Variants in MAJIN observed in about 807,000 individuals in gnomAD.
MAJIN encodes the protein membrane anchored junction protein, also known as membrane-anchored junction protein.
Under a neutral mutation model 30.2 loss-of-function variants are expected in MAJIN, and 27 were observed. The ratio of observed to expected loss-of-function variants is 0.89; its 90% CI spans 0.66 to 1.23. The LOEUF is 1.23. Among genes scored for constraint, MAJIN ranks in the 50% most tolerant of loss-of-function variants. MAJIN has a pLI of 0.00. For synonymous variants in MAJIN, 78 were observed against 91.6 expected, an observed-to-expected ratio of 0.85 and a Z score of 0.85; for missense variants, 253 against 260.3, an observed-to-expected ratio of 0.97 and a Z score of 0.19.
chr11:64,957,356 A>G (rs914159965), intron 3 of MAJIN, among the ~76,000 whole-genome samples: 4 of 152,150 alleles, frequency 2.6e-5, no homozygotes, highest in Non-Finnish European at 5.9e-5. Flanking sequence ...CTGGGATTAC[A>G]AGAGTGAGCC....
At chr11:64,969,679 G>A (rs1024379216) in intron 1 of MAJIN, among the ~76,000 whole-genome samples, 2 of 151,838 alleles carry the variant, frequency 1.3e-5, no homozygotes, top group African/African-American at 4.8e-5. Context: ...AGGAAGCTGA[G>A]GCAGGCAAGA....
intron 1 of MAJIN, among the ~76,000 whole-genome samples, chr11:64,969,468 C>T (rs138188352): frequency 1.4e-5 from 2 of 147,900 alleles, no homozygotes; most frequent in East Asian, 2.0e-4. Context: ...AAAAAAAAAA[C>T]GACATGACCA....
intron 1 of MAJIN, among the ~76,000 whole-genome samples, chr11:64,962,237 A>G (rs1945739280): frequency 6.6e-6 from 1 of 152,258 alleles, no homozygotes; most frequent in South Asian, 2.1e-4. Flanking sequence ...GCTGTCTGAA[A>G]GAAGAAAAAA....
At chr11:64,968,327 G>A (rs1001957509) in intron 1 of MAJIN, among the ~76,000 whole-genome samples, 3 of 152,028 alleles carry the variant, frequency 2.0e-5, no homozygotes, top group African/African-American at 7.2e-5. Context: ...CTGGAGTATA[G>A]CGACACAATC....
intron 1 of MAJIN, among the ~76,000 whole-genome samples, chr11:64,971,450 A>C (rs1945903121): frequency 6.7e-5 from 9 of 133,870 alleles, no homozygotes; most frequent in East Asian, 4.8e-4. Flanking sequence ...AAAAAAAAGG[A>C]CGGAGGAAGT....
chr11:64,946,012 C>T (rs1011724647), intron 8 of MAJIN: 1 of 1,366,460 alleles, frequency 7.3e-7, no homozygotes, highest in East Asian at 2.7e-5. Context: ...AACCGGAATC[C>T]TGACTTGTAA....
chr11:64,963,694 T>G (rs1475819647), intron 1 of MAJIN, among the ~76,000 whole-genome samples: 1 of 151,956 alleles, frequency 6.6e-6, no homozygotes, highest in African/African-American at 2.4e-5. Context: ...AAAAATTAGC[T>G]GGACATGGTG....
In MAJIN at chr11:64,954,767, T is replaced by C; in HGVS notation, c.137A>G (p.Gln46Arg). 6.2e-7 allele frequency: 1 copy of C among 1,613,752 alleles called. No individual in the cohort carries two copies. The highest frequency in any genetic ancestry group is 8.5e-7 in the Non-Finnish European group (1 of 1,179,786). The change falls in exon 4 of 11, where the codon CAG (glutamine) becomes CGG (arginine). Residue 46 changes from glutamine (Q) to arginine (R), a missense_variant. Transcript: ENST00000301896. Reference sequence around the variant, plus strand: ...TGCTTCTTTCCCTACCTCCAGCTCCTGGGTGATGACTTCCTTATTTTCTAT... The same window carrying C: ...TGCTTCTTTCCCTACCTCCAGCTCCCGGGTGATGACTTCCTTATTTTCTAT... ...EEIENKEVIT[Q>R]ELEDSVRVVL...
At chr11:64,962,940 A>C (rs1015295251) in intron 1 of MAJIN, among the ~76,000 whole-genome samples, 1 of 152,112 alleles carries the variant, frequency 6.6e-6, no homozygotes, top group Non-Finnish European at 1.5e-5. Context: ...CAGTCTGGCC[A>C]ATGTGGCGAA....
intron 1 of MAJIN, among the ~76,000 whole-genome samples, chr11:64,966,371 C>T (rs562099570): frequency 4.6e-5 from 7 of 151,304 alleles, no homozygotes; most frequent in African/African-American, 1.5e-4. Flanking sequence ...TCTGTCTCTA[C>T]TAAAAATACA....
chr11:64,968,503 CT>C (rs1328453984), intron 1 of MAJIN, among the ~76,000 whole-genome samples: 1 of 151,656 alleles, frequency 6.6e-6, no homozygotes. Flanking sequence ...CTCAAGTGAT[CT>C]GCCCACCTCG....
At chr11:64,962,364 A>C (rs969435234) in intron 1 of MAJIN, among the ~76,000 whole-genome samples, 1 of 152,184 alleles carries the variant, frequency 6.6e-6, no homozygotes, top group Non-Finnish European at 1.5e-5. Flanking sequence ...TATCCCAAAC[A>C]ACCACATAGG....
rs758852369 is a variant in MAJIN, at chr11:64,949,812, A to G, written c.280T>C (p.Leu94=). 2.5e-6 allele frequency: 4 copies of G among 1,611,172 alleles called. No individual in the cohort carries two copies. Among genetic ancestry groups the G allele is most frequent in the Non-Finnish European group, 3.4e-6 (4 of 1,179,644 alleles). ...GTAAAAACAAATGGGTAGGGGATCA[A>G]GATAATTTCCCCATGTTTGAATTTC... ...HLKFKHGEII[L]IPYPFVFTLY... The change falls in exon 6 of 11, where the codon TTG becomes CTG. Residue 94 remains leucine (L), a synonymous_variant. Coordinates refer to ENST00000301896, the MANE Select transcript of MAJIN (RefSeq NM_001037225.3).
intron 8 of MAJIN, among the ~76,000 whole-genome samples, chr11:64,942,406 G>A (rs1215235665): frequency 6.6e-6 from 1 of 152,136 alleles, no homozygotes; most frequent in East Asian, 1.9e-4. Context: ...TATACCCAAT[G>A]TATAGTCTTT....
chr11:64,963,301 T>C (rs955949512), intron 1 of MAJIN, among the ~76,000 whole-genome samples: 23 of 152,126 alleles, frequency 1.5e-4, no homozygotes, highest in African/African-American at 4.6e-4. Flanking sequence ...AAATGACACA[T>C]AGGGACTGAT....
At chr11:64,938,771 A>G (rs1945326790) in intron 10 of MAJIN, among the ~76,000 whole-genome samples, 198 bp from the exon 11 acceptor site, 1 of 152,192 alleles carries the variant, frequency 6.6e-6, no homozygotes, top group Non-Finnish European at 1.5e-5. Flanking sequence ...CAGAATTGCA[A>G]TGGGATGGCA....
At chr11:64,949,403 G>C (rs1348483279) in intron 6 of MAJIN, among the ~76,000 whole-genome samples, 2 of 151,946 alleles carry the variant, frequency 1.3e-5, no homozygotes, top group Non-Finnish European at 1.5e-5. Flanking sequence ...CTAATGGAAG[G>C]GTTTATATAA....
intron 8 of MAJIN, among the ~76,000 whole-genome samples, chr11:64,944,996 C>T (rs939384572): frequency 6.6e-6 from 1 of 152,176 alleles, no homozygotes; most frequent in African/African-American, 2.4e-5. Flanking sequence ...GGGGCCAGCC[C>T]TTCACTGCTC....
intron 4 of MAJIN, among the ~76,000 whole-genome samples, chr11:64,952,068 T>C (rs952579488): frequency 6.6e-6 from 1 of 152,054 alleles, no homozygotes; most frequent in Non-Finnish European, 1.5e-5. Flanking sequence ...TTTGTATTTT[T>C]AGTAGAGATG....
Sources: gnomAD v4.1 joint callset for allele counts (sites outside exome capture counted in the v4.1 genomes callset) on GRCh38, gnomAD v4.1.1 for gene constraint, MANE v1.5 for transcripts, NCBI Gene and HGNC (gene_info 2026-07-23, HGNC 2026-07-21) for gene names.